The following MDGA1 variants were observed in gnomAD, a reference collection of about 807,000 sequenced individuals.
MDGA1 encodes the protein MAM domain containing glycosylphosphatidylinositol anchor 1.
A neutral mutation model predicts 101.5 loss-of-function variants in MDGA1; 54 were observed. The ratio of observed to expected loss-of-function variants is 0.53; its 90% CI spans 0.43 to 0.67. The LOEUF is 0.67. Among genes scored for constraint, MDGA1 ranks in the 30% least tolerant of loss-of-function variants. The pLI is 0.00. For missense variants in MDGA1, 1,083 were observed against 1,323.8 expected, an observed-to-expected ratio of 0.82 and a Z score of 2.82; for synonymous variants, 533 against 558.3, an observed-to-expected ratio of 0.95 and a Z score of 0.64.
rs182469002 is a variant in MDGA1, at chr6:37,631,595, C to T, written c.*5773G>A. On this transcript the variant is annotated 3_prime_UTR_variant, in exon 17 of 17. Coordinates refer to ENST00000434837, the MANE Select transcript of MDGA1 (RefSeq NM_153487.4). ...GTCATTTGCCTGATATGATGTAGTC[C>T]ATATCATGACATCCACACCCTTGAT... 1 of 152,290 alleles carries T rather than the reference C, an allele frequency of 6.6e-6. No individual in the cohort carries two copies. The highest frequency in any genetic ancestry group is 1.5e-5 in the Non-Finnish European group (1 of 68,030). The allele number at this position is 152,290 out of a possible 1,614,324, so 9.4% of individuals were successfully genotyped here.
At position 37,643,841 on chromosome 6, in the gene MDGA1, G is replaced by A. The variant is rs780576411; in HGVS notation, c.2504C>T (p.Ser835Phe). 5 of 1,613,810 alleles carry A rather than the reference G, an allele frequency of 3.1e-6. No individual in the cohort carries two copies. Among genetic ancestry groups the A allele is most frequent in the Non-Finnish European group, 4.2e-6 (5 of 1,179,884 alleles). Residue 835 changes from serine to phenylalanine, a missense_variant, in exon 14 of 17, where the codon TCC (serine) becomes TTC (phenylalanine). By Grantham distance (155) the Ser-to-Phe change is radical (BLOSUM62 -2). Coordinates refer to ENST00000434837, the MANE Select transcript of MDGA1 (RefSeq NM_153487.4). ...TTTCCCGTACATGTGGTAGAAGAAG[G>A]AGACACAGTAGAACTTGGCGCTGGC... ...YNASAKFYCV[S>F]FFYHMYGKHI...
intron 14 of MDGA1, chr6:37,639,892 C>T (rs769191947): frequency 1.3e-5 from 2 of 152,122 alleles, no homozygotes; most frequent in Non-Finnish European, 2.9e-5. Flanking sequence ...ACCCTGAGGT[C>T]CTTCCAACTC....
intron 1 of MDGA1, among the ~76,000 whole-genome samples, chr6:37,692,040 G>A (rs1364333298): frequency 1.3e-5 from 2 of 152,232 alleles, no homozygotes; most frequent in African/African-American, 4.8e-5. Flanking sequence ...TGGGTACGTG[G>A]GAGCTGGAGG....
rs1763986194 is a variant in MDGA1, at chr6:37,638,473, A to C, written c.2667+64T>G. ...CCAGGAAGAAGGACAAGGTTTTCCT[A>C]AGTGTTTCCTGGCCACAGCAACCAC... On this transcript the variant is annotated intron_variant, in intron 15 of 16. Coordinates refer to ENST00000434837, the MANE Select transcript of MDGA1 (RefSeq NM_153487.4). This position sits in a 1 kb window ranked among gnomAD's most constrained non-coding sequence, Gnocchi z 4.8. The C allele has an allele frequency of 5.6e-5, 89 of 1,603,480 alleles. No individual in the cohort carries two copies. The highest frequency in any genetic ancestry group is 7.6e-5 in the Non-Finnish European group (89 of 1,172,874).
In MDGA1 at chr6:37,635,278, T is replaced by C. The variant is rs1369201253; in HGVS notation, c.*2090A>G. 3.5e-5 allele frequency: 14 copies of C among 396,094 alleles called. No homozygotes were observed. The highest frequency in any genetic ancestry group is 5.8e-5 in the Non-Finnish European group (13 of 225,088). The allele number at this position is 396,094 out of a possible 1,614,324, so 24.5% of individuals were successfully genotyped here. On this transcript the variant is annotated 3_prime_UTR_variant, in exon 17 of 17. Coordinates refer to ENST00000434837, the MANE Select transcript of MDGA1 (RefSeq NM_153487.4). The stretch of plus-strand genomic sequence containing the variant: ...CATTCCACCGGGCAATGGAGTGGTT[T>C]CCACACCAGGCTCACTTGTGCTGGG...
chr6:37,671,829 C>G (rs1004408924), intron 1 of MDGA1, among the ~76,000 whole-genome samples: 1 of 152,178 alleles, frequency 6.6e-6, no homozygotes, highest in Non-Finnish European at 1.5e-5. Flanking sequence ...GAGGGCCAAA[C>G]AAGACAGACA....
intron 8 of MDGA1, 134 bp downstream of exon 8, chr6:37,649,975 G>A: frequency 1.0e-6 from 1 of 1,004,220 alleles, no homozygotes; most frequent in African/African-American, 1.6e-5. Flanking sequence ...GGCTGTCAAG[G>A]AGCATTAGGG....
At chr6:37,641,751 T>C (rs1222050342) in intron 14 of MDGA1, 2 of 152,136 alleles carry the variant, frequency 1.3e-5, no homozygotes, top group Admixed American at 6.5e-5. Flanking sequence ...GGAAGCCAAA[T>C]GGAAATGAGA....
In MDGA1 at chr6:37,658,437, G is replaced by A. The variant is rs1191636274; in HGVS notation, c.208-18C>T. ...CACCGTACCTGGGCCGCCAGGCGGGGCAGAGTCAGACTGTCAGACTCACAC... is the reference window on the plus strand; with the variant it reads ...CACCGTACCTGGGCCGCCAGGCGGGACAGAGTCAGACTGTCAGACTCACAC... On this transcript the variant is annotated intron_variant, in intron 2 of 16. Transcript: ENST00000434837. 12 of 1,593,914 alleles carry A rather than the reference G, an allele frequency of 7.5e-6. No individual in the cohort carries two copies. Among genetic ancestry groups the A allele is most frequent in the Non-Finnish European group, 1.0e-5 (12 of 1,169,826 alleles).
rs1762422301 is a variant in MDGA1, at chr6:37,696,511, G to A, written c.67+234C>T. ...CATTCCCACCTCTAGCAGGGTGTGG[G>A]AAAGTGGGTGCCTCCTCCTGACATC... On this transcript the variant is annotated intron_variant, in intron 1 of 16. Transcript: ENST00000434837. The surrounding 1 kb of genome is among the most constrained non-coding windows in gnomAD (Gnocchi z 5.6). 6.6e-6 allele frequency among the ~76,000 whole-genome samples: 1 copy of A among 152,198 alleles called. No homozygotes were observed. Among genetic ancestry groups the A allele is most frequent in the Non-Finnish European group, 1.5e-5 (1 of 68,020 alleles).
chr6:37,677,675 C>CTT (rs56118824), intron 1 of MDGA1, among the ~76,000 whole-genome samples: 1 of 151,932 alleles, frequency 6.6e-6, no homozygotes, highest in African/African-American at 2.4e-5. Context: ...CATTGGGCTT[C>CTT]TTTTTTTTCT....
At chr6:37,658,094 A>G in intron 3 of MDGA1, 151 bp downstream of exon 3, 1 of 820,292 alleles carries the variant, frequency 1.2e-6, no homozygotes, top group Non-Finnish European at 1.8e-6. Flanking sequence ...AGAGGGTGGT[A>G]CACACCGCCT....
chr6:37,689,473 G>A (rs910363029), intron 1 of MDGA1, among the ~76,000 whole-genome samples: 11 of 152,170 alleles, frequency 7.2e-5, no homozygotes, highest in African/African-American at 2.7e-4. Context: ...GCCTTGCTAC[G>A]TGCCAGGCAC....
At position 37,634,525 on chromosome 6, in the gene MDGA1, AAC is replaced by A. The variant is rs1763884874; in HGVS notation, c.*2841_*2842del. The A allele has an allele frequency of 6.5e-6, 1 of 152,894 alleles. No individual in the cohort carries two copies. Among genetic ancestry groups the A allele is most frequent in the Non-Finnish European group, 1.5e-5 (1 of 68,276 alleles). 9.5% of individuals were successfully genotyped at this position (152,894 alleles called of 1,614,324 possible). On this transcript the variant is annotated 3_prime_UTR_variant, in exon 17 of 17. Transcript: ENST00000434837. The surrounding 1 kb of genome is among the most constrained non-coding windows in gnomAD (Gnocchi z 4.7). Reference sequence around the variant, plus strand: ...ACAAAGACACTCATTCCTGCTGAGGAACACACAAACACACAGAGACCAGCACA... The same window carrying A: ...ACAAAGACACTCATTCCTGCTGAGGAACACAAACACACAGAGACCAGCACA...
intron 12 of MDGA1, among the ~76,000 whole-genome samples, chr6:37,645,503 T>C (rs1017837393): frequency 2.0e-5 from 3 of 151,580 alleles, no homozygotes; most frequent in African/African-American, 7.3e-5. Context: ...GCTACTACCC[T>C]CCAGCCTGGA....
intron 12 of MDGA1, 76 bp downstream of exon 12, chr6:37,645,857 A>G (rs1023961060): frequency 2.0e-6 from 3 of 1,516,772 alleles, no homozygotes; most frequent in African/African-American, 2.7e-5. Context: ...AGGATAGCCT[A>G]TCTCCTTTCT....
chr6:37,649,287 C>CAGCGGGGCCTCTCCCCAGCG, intron 8 of MDGA1, 21 bp from the exon 9 acceptor site: 2 of 1,464,646 alleles, frequency 1.4e-6, no homozygotes, highest in Non-Finnish European at 1.8e-6. Flanking sequence ...GAGCGGCGGT[C>CAGCGGGGCCTCTCCCCAGCG]AGCGGGGCCT....
intron 1 of MDGA1, among the ~76,000 whole-genome samples, chr6:37,687,885 C>CCTT (rs1469597223): frequency 6.6e-6 from 1 of 152,144 alleles, no homozygotes; most frequent in Admixed American, 6.5e-5. Flanking sequence ...GAAGGAGACT[C>CCTT]CTTCAATCTC....
intron 6 of MDGA1, 92 bp downstream of exon 6, chr6:37,654,182 C>T (rs1030685265): frequency 1.4e-6 from 2 of 1,393,924 alleles, no homozygotes; most frequent in Admixed American, 6.0e-5. Flanking sequence ...GAGAAGCAGA[C>T]AGGCCCCTTT....
Sources: allele counts gnomAD v4.1 joint callset (sites outside exome capture counted in the v4.1 genomes callset), GRCh38; gene constraint gnomAD v4.1.1; non-coding constraint Gnocchi (gnomAD v3.1); transcripts MANE v1.5; gene names NCBI Gene and HGNC (gene_info 2026-07-23, HGNC 2026-07-21).